ATP2A2: variants seen among roughly 807,000 people sequenced by gnomAD.
The protein encoded by ATP2A2 is sarcoplasmic/endoplasmic reticulum calcium ATPase 2.
In ATP2A2, 14 loss-of-function variants were observed where a neutral mutation model predicts 109.3. That is an observed-to-expected ratio of 0.13 (90% CI 0.08 to 0.20). ATP2A2 has a LOEUF of 0.20. Among genes scored for constraint, ATP2A2 ranks in the 10% least tolerant of loss-of-function variants. The probability of loss-of-function intolerance (pLI) is 1.00; values close to 1 mark genes in which losing one functional copy is unlikely to be tolerated. For missense variants in ATP2A2, 657 were observed against 1,321.6 expected (o/e 0.50, Z 7.80); for synonymous variants, 506 against 490.9 (o/e 1.03, Z -0.41).
chr12:110,331,532 G>T (rs1016170009), intron 8 of ATP2A2: 1 of 152,160 alleles, frequency 6.6e-6, no homozygotes, highest in Non-Finnish European at 1.5e-5. Flanking sequence ...GTAGAGACGG[G>T]TTTCACCATC....
intron 16 of ATP2A2, among the ~76,000 whole-genome samples, chr12:110,344,394 C>G (rs75641382): frequency 2.6e-5 from 4 of 152,158 alleles, no homozygotes; most frequent in Non-Finnish European, 4.4e-5. Context: ...CCATGCTGCT[C>G]AGTGTTCCAC....
At position 110,326,406 on chromosome 12, in the gene ATP2A2, C is replaced by T. The variant is rs759262783; in HGVS notation, c.561C>T (p.Val187=). 7 of 1,614,044 alleles carry T rather than the reference C, an allele frequency of 4.3e-6. No homozygotes were observed. Among genetic ancestry groups the T allele is most frequent in the Non-Finnish European group, 5.9e-6 (7 of 1,179,966 alleles). The stretch of plus-strand genomic sequence containing the variant: ...CCCGCTTAGGTGAATCTGTCTCTGT[C>T]ATCAAGCACACTGATCCCGTCCCTG... The part of the protein sequence containing the change: ...QSILTGESVS[V]IKHTDPVPDP... The change falls in exon 7 of 20, where the codon GTC becomes GTT. Residue 187 remains valine (V), a synonymous_variant. Coordinates refer to ENST00000539276, the MANE Select transcript of ATP2A2 (RefSeq NM_170665.4).
chr12:110,281,833 A>T lies in ATP2A2; in HGVS notation c.44A>T (p.His15Leu). Residue 15 changes from histidine to leucine, a missense_variant, in exon 1 of 20, where the codon CAC (histidine) becomes CTC (leucine). His to Leu is a moderately conservative substitution (Grantham distance 99). Transcript: ENST00000539276. ...HTKTVEEVLG[H>L]FGVNESTGLS... ...AAGACGGTGGAGGAGGTGCTGGGCC[A>T]CTTCGGCGTCAACGAGAGTACGGGG... 1 of 1,563,092 alleles carries T rather than the reference A, an allele frequency of 6.4e-7. No individual in the cohort carries two copies. Among genetic ancestry groups the T allele is most frequent in the Non-Finnish European group, 8.6e-7 (1 of 1,156,406 alleles).
At chr12:110,335,090 G>GA (rs1339958462) in intron 11 of ATP2A2, among the ~76,000 whole-genome samples, 1 of 152,100 alleles carries the variant, frequency 6.6e-6, no homozygotes, top group Non-Finnish European at 1.5e-5. Flanking sequence ...GCATCACTAT[G>GA]ACAAGGGCCA....
At position 110,348,434 on chromosome 12, in the gene ATP2A2, A is replaced by T. The variant is rs933220540; in HGVS notation, c.*1964A>T. ...TTCAAAATGTACTTAGGCTCTGGTT[A>T]CTGGGATGGCCAGTAGATGTAATGC... On this transcript the variant is annotated 3_prime_UTR_variant, in exon 20 of 20. Transcript: ENST00000539276. 2.0e-5 allele frequency: 20 copies of T among 985,598 alleles called. No homozygotes were observed. The highest frequency in any genetic ancestry group is 2.4e-5 in the Non-Finnish European group (20 of 830,092). The allele number at this position is 985,598 out of a possible 1,614,324, so 61.1% of individuals were successfully genotyped here.
At chr12:110,315,374 C>T (rs989955731) in intron 5 of ATP2A2, among the ~76,000 whole-genome samples, 6 of 152,142 alleles carry the variant, frequency 3.9e-5, no homozygotes, top group Non-Finnish European at 8.8e-5. Flanking sequence ...TGGAAACTTG[C>T]TTAATGATCA....
chr12:110,298,066 T>G (rs970278506), intron 5 of ATP2A2, among the ~76,000 whole-genome samples: 3 of 152,232 alleles, frequency 2.0e-5, no homozygotes, highest in Non-Finnish European at 4.4e-5. Flanking sequence ...CTATTTACTT[T>G]GTTGCTATTT....
At chr12:110,313,310 CTTTTTTTTTTTTT>C (rs748790705) in intron 5 of ATP2A2, among the ~76,000 whole-genome samples, 1 of 113,202 alleles carries the variant, frequency 8.8e-6, no homozygotes, top group African/African-American at 3.4e-5. Flanking sequence ...ACCACCTTTC[CTTTTTTTTTTTTT>C]TTTTTTTTTG....
At position 110,346,850 on chromosome 12, in the gene ATP2A2, A is replaced by AAAACT; in HGVS notation, c.*384_*388dup. The stretch of plus-strand genomic sequence containing the variant: ...AATGAATGTGTGTGGTTTTTTTTCT[A>AAAACT]AAACTAAATAGCATGTATTGTGTCT... On this transcript the variant is annotated 3_prime_UTR_variant, in exon 20 of 20. Transcript: ENST00000539276. The AAAACT allele has an allele frequency of 8.9e-7, 1 of 1,122,496 alleles. No homozygotes were observed. Among genetic ancestry groups the AAAACT allele is most frequent in the South Asian group, 2.2e-5 (1 of 46,402 alleles). The allele number at this position is 1,122,496 out of a possible 1,614,324, so 69.5% of individuals were successfully genotyped here. A position where few individuals can be genotyped will look rare whatever the true frequency, so the allele number is the denominator to read the frequency against.
chr12:110,296,769 T>C, intron 5 of ATP2A2, 32 bp downstream of exon 5: 1 of 1,608,824 alleles, frequency 6.2e-7, no homozygotes, highest in Non-Finnish European at 8.5e-7. Flanking sequence ...TCTTTTATTC[T>C]AGATAGTATT....
rs56243033 is a variant in ATP2A2 at position 110,342,302 on chromosome 12, G to A, written c.2172G>A (p.Ala724=). The A allele has an allele frequency of 0.063, 102,391 of 1,614,176 alleles. 3,631 individuals carry two copies. Among genetic ancestry groups the A allele is most frequent in the Non-Finnish European group, 0.073 (85,705 of 1,180,024 alleles). The change falls in exon 15 of 20, where the codon GCG becomes GCA. Residue 724 remains alanine, a synonymous_variant. Coordinates refer to ENST00000539276, the MANE Select transcript of ATP2A2 (RefSeq NM_170665.4). The surrounding 1 kb of genome is among the most constrained non-coding windows in gnomAD (Gnocchi z 4.6). Reference sequence around the variant, plus strand: ...GCATTGCTATGGGCTCTGGCACTGCGGTGGCTAAAACCGCCTCTGAGATGG... The same window carrying A: ...GCATTGCTATGGGCTCTGGCACTGCAGTGGCTAAAACCGCCTCTGAGATGG... ...EIGIAMGSGT[A]VAKTASEMVL...
chr12:110,291,763 C>A (rs1333687302), intron 3 of ATP2A2, among the ~76,000 whole-genome samples: 1 of 151,304 alleles, frequency 6.6e-6, no homozygotes, highest in Admixed American at 6.6e-5. Context: ...TCTCTTGCCT[C>A]AGCCTCCTGA....
chr12:110,333,612 C>A (rs1327028948), intron 10 of ATP2A2, among the ~76,000 whole-genome samples: 3 of 152,206 alleles, frequency 2.0e-5, no homozygotes, highest in Non-Finnish European at 4.4e-5. Context: ...GATATAGTTT[C>A]TGTCTCAAAG....
intron 3 of ATP2A2, among the ~76,000 whole-genome samples, chr12:110,289,969 A>C (rs1294074765): frequency 6.6e-6 from 1 of 152,194 alleles, no homozygotes; most frequent in African/African-American, 2.4e-5. Context: ...TTAAATCTTA[A>C]CAAGTTTATA....
chr12:110,327,381 A>C lies in ATP2A2; in HGVS notation c.631-172A>C, dbSNP rs1204758824. Among the ~76,000 whole-genome samples the C allele has an allele frequency of 6.6e-6, 1 of 152,230 alleles. No homozygotes were observed. The highest frequency in any genetic ancestry group is 2.4e-5 in the African/African-American group (1 of 41,456). On this transcript the variant is annotated intron_variant, in intron 7 of 19. Coordinates refer to ENST00000539276, the MANE Select transcript of ATP2A2 (RefSeq NM_170665.4). The surrounding 1 kb of genome is among the most constrained non-coding windows in gnomAD (Gnocchi z 4.4). ...GAGCTGCCTGACATAAGTAAGTAGC[A>C]CATGGAGCATTGCTTGTTGTCACAG...
In ATP2A2 at chr12:110,347,002, C is replaced by T. The variant is rs749368591; in HGVS notation, c.*532C>T. ...GTTTTGGTTTGCTACTTCCCTCACC[C>T]ACTTTGGCCTCCGTTCACCCCACCC... is the stretch of plus-strand genomic sequence containing the variant. On this transcript the variant is annotated 3_prime_UTR_variant, in exon 20 of 20. Transcript: ENST00000539276. 1 of 1,102,518 alleles carries T rather than the reference C, an allele frequency of 9.1e-7. No individual in the cohort carries two copies. The highest frequency in any genetic ancestry group is 1.1e-6 in the Non-Finnish European group (1 of 900,826). The allele number at this position is 1,102,518 out of a possible 1,614,324, so 68.3% of individuals were successfully genotyped here.
chr12:110,323,132 A>G (rs1229310250), intron 6 of ATP2A2, 60 bp downstream of exon 6: 4 of 1,297,922 alleles, frequency 3.1e-6, no homozygotes, highest in Non-Finnish European at 3.4e-6. Context: ...CCATGCCAAT[A>G]GAGTTGGCTC....
chr12:110,283,165 TTGTAGTC>T (rs1252108354), intron 3 of ATP2A2, among the ~76,000 whole-genome samples: 3 of 152,230 alleles, frequency 2.0e-5, no homozygotes, highest in Non-Finnish European at 4.4e-5. Context: ...GTTGGACTCT[TTGTAGTC>T]TGTAAATAGA....
chr12:110,282,009 C>T (rs1872150336), intron 1 of ATP2A2, 102 bp downstream of exon 1: 2 of 902,804 alleles, frequency 2.2e-6, no homozygotes, highest in East Asian at 3.3e-5. Context: ...CCGCGCCCGC[C>T]GACAGCTGCG....
Sources: allele counts gnomAD v4.1 joint callset (sites outside exome capture counted in the v4.1 genomes callset), GRCh38; gene constraint gnomAD v4.1.1; non-coding constraint Gnocchi (gnomAD v3.1); transcripts MANE v1.5; gene names NCBI Gene and HGNC (gene_info 2026-07-23, HGNC 2026-07-21).